The following ABCB10 variants were observed in gnomAD, a reference collection of about 807,000 sequenced individuals.
ABCB10 encodes ATP binding cassette subfamily B member 10.
Under a neutral mutation model 65.4 loss-of-function variants are expected in ABCB10, and 54 were observed. The observed-to-expected ratio is 0.83, with a 90% confidence interval of 0.66 to 1.04. ABCB10 has a LOEUF of 1.04. Among genes scored for constraint, ABCB10 ranks in the 50% least tolerant of loss-of-function variants. The probability of loss-of-function intolerance (pLI) is 0.00; values close to 1 mark genes in which losing one functional copy is unlikely to be tolerated. For missense variants in ABCB10, 846 were observed against 976.6 expected (o/e 0.87, Z 1.78); for synonymous variants, 418 against 406.5 (o/e 1.03, Z -0.34).
At chr1:229,523,413 G>A (rs762566402) in intron 10 of ABCB10, among the ~76,000 whole-genome samples, 1 of 152,170 alleles carries the variant, frequency 6.6e-6, no homozygotes, top group Non-Finnish European at 1.5e-5. Flanking sequence ...ATCAACAGTA[G>A]TTGCTGGACA....
At chr1:229,534,124 G>A (rs982272600) in intron 6 of ABCB10, among the ~76,000 whole-genome samples, 4 of 152,192 alleles carry the variant, frequency 2.6e-5, no homozygotes, top group African/African-American at 9.7e-5. Context: ...GTCCTGAACA[G>A]ACAACTCACC....
chr1:229,539,538 C>T lies in ABCB10; in HGVS notation c.1257G>A (p.Leu419=), dbSNP rs939975411. 5.0e-6 allele frequency: 8 copies of T among 1,613,990 alleles called. No homozygotes were observed. The African/African-American group carries it at 5.3e-5, about 11-fold the overall frequency. Residue 419 remains leucine (L), a synonymous_variant, in exon 6 of 13, where the codon CTG becomes CTA. Coordinates refer to ENST00000344517, the MANE Select transcript of ABCB10 (RefSeq NM_012089.3). Reference sequence around the variant, plus strand: ...CGGTCATGTGGGCACTGCCCATCAGCAGCCCTCCTTTGTACAGGACAGAAA... The same window carrying T: ...CGGTCATGTGGGCACTGCCCATCAGTAGCCCTCCTTTGTACAGGACAGAAA... ...IVLSVLYKGG[L]LMGSAHMTVG...
chr1:229,533,053 T>G (rs1220753522), intron 6 of ABCB10, among the ~76,000 whole-genome samples: 2 of 152,162 alleles, frequency 1.3e-5, no homozygotes, highest in Non-Finnish European at 2.9e-5. Context: ...GCAATCCTCC[T>G]GCCTTGGCCT....
Position 229,530,337 on chromosome 1 carries a change from C to A in ABCB10, c.1507G>T (p.Ala503Ser). Residue 503 changes from alanine to serine, a missense_variant, in exon 8 of 13, where the codon GCT becomes TCT. This residue lies in a region of ABCB10 where 632 missense variants were observed against 803.2 expected (regional missense o/e 0.79). Coordinates refer to ENST00000344517, the MANE Select transcript of ABCB10 (RefSeq NM_012089.3). ...TGAAATATGGGCACCTCTGGGCGAG[C>A]TGGATAGGCAAAATGCACGTTCTTA... ...EFKNVHFAYPARPEVPIFQDF... is the reference protein window; with the variant it reads ...EFKNVHFAYPSRPEVPIFQDF... The A allele has an allele frequency of 6.2e-7, 1 of 1,614,196 alleles. No individual in the cohort carries two copies. Among genetic ancestry groups the A allele is most frequent in the Non-Finnish European group, 8.5e-7 (1 of 1,180,040 alleles).
At chr1:229,554,806 G>A (rs1259172314) in intron 1 of ABCB10, among the ~76,000 whole-genome samples, 28 of 152,100 alleles carry the variant, frequency 1.8e-4, no homozygotes, top group South Asian at 8.3e-4. Flanking sequence ...CTGTCCCTGC[G>A]GGATCTCCAT....
At chr1:229,549,489 T>A (rs1217951671) in intron 1 of ABCB10, 55 bp from the exon 2 acceptor site, 6 of 1,535,636 alleles carry the variant, frequency 3.9e-6, no homozygotes, top group Non-Finnish European at 5.3e-6. Context: ...GGGGCTGCGG[T>A]GCTGAGTCCA....
At chr1:229,553,102 G>A (rs1284479106) in intron 1 of ABCB10, among the ~76,000 whole-genome samples, 1 of 152,104 alleles carries the variant, frequency 6.6e-6, no homozygotes, top group African/African-American at 2.4e-5. Flanking sequence ...TTTACACTGG[G>A]GAATGATCCA....
intron 6 of ABCB10, among the ~76,000 whole-genome samples, chr1:229,536,266 C>T (rs567406570): frequency 2.2e-4 from 33 of 151,964 alleles, no homozygotes; most frequent in African/African-American, 7.7e-4. Context: ...TTTGGGAGGC[C>T]GAGGCAGGAG....
In ABCB10 at chr1:229,526,009, A is replaced by G. The variant is rs1343647892; in HGVS notation, c.1833T>C (p.Asn611=). The change falls in exon 10 of 13, where the codon AAT becomes AAC. Residue 611 remains asparagine, a synonymous_variant. Coordinates refer to ENST00000344517, the MANE Select transcript of ABCB10 (RefSeq NM_012089.3). ...GGAAATTCCGGATGAAGGCCACTGCATTGGCCACTTCAGCCACTCTCTGGA... is the reference window on the plus strand; with the variant it reads ...GGAAATTCCGGATGAAGGCCACTGCGTTGGCCACTTCAGCCACTCTCTGGA... ...EEIQRVAEVA[N]AVAFIRNFPQ... 8 of 1,614,140 alleles carry G rather than the reference A, an allele frequency of 5.0e-6. No individual in the cohort carries two copies. In the Admixed American group the frequency reaches 8.3e-5, roughly 17 times the overall value.
rs941722382 is a variant in ABCB10, at chr1:229,517,044, G to C, written c.*1135C>G. Reference sequence around the variant, plus strand: ...CCATGGAGAAAAAGCACTTTTTCTTGAGGCAACAGCAAATTAACAGCACTG... The same window carrying C: ...CCATGGAGAAAAAGCACTTTTTCTTCAGGCAACAGCAAATTAACAGCACTG... On this transcript the variant is annotated 3_prime_UTR_variant, in exon 13 of 13. Transcript: ENST00000344517. The C allele has an allele frequency of 6.6e-6, 1 of 152,082 alleles. No individual in the cohort carries two copies. Among genetic ancestry groups the C allele is most frequent in the African/African-American group, 2.4e-5 (1 of 41,404 alleles). The allele number at this position is 152,082 out of a possible 1,614,324, so 9.4% of individuals were successfully genotyped here.
chr1:229,530,129 T>C, intron 8 of ABCB10, 70 bp downstream of exon 8: 1 of 1,490,168 alleles, frequency 6.7e-7, no homozygotes, highest in South Asian at 1.1e-5. Flanking sequence ...TTTGAGCATC[T>C]CCTAGGGCGC....
intron 8 of ABCB10, among the ~76,000 whole-genome samples, 154 bp from the exon 9 acceptor site, chr1:229,527,462 T>C (rs1008660979): frequency 1.3e-5 from 2 of 152,222 alleles, no homozygotes; most frequent in Admixed American, 6.5e-5. Context: ...ACATATTTCA[T>C]GAAATTTCAG....
chr1:229,554,991 C>T (rs1663211318), intron 1 of ABCB10, among the ~76,000 whole-genome samples: 1 of 152,228 alleles, frequency 6.6e-6, no homozygotes, highest in African/African-American at 2.4e-5. Flanking sequence ...CCTCAAACCA[C>T]ACACCAGCCC....
At chr1:229,535,038 T>TAAAAAAAAAAAAAAA (rs71173739) in intron 6 of ABCB10, 2 of 47,498 alleles carry the variant, frequency 4.2e-5, no homozygotes, top group African/African-American at 7.6e-5. Context: ...AGACTCCCTT[T>TAAAAAAAAAAAAAAA]AAAAAAAAAA....
At chr1:229,555,552 A>T (rs1017368478) in intron 1 of ABCB10, among the ~76,000 whole-genome samples, 25 of 152,382 alleles carry the variant, frequency 1.6e-4, no homozygotes, top group African/African-American at 5.8e-4. Context: ...ATGCAATCAA[A>T]GTTTTCTGTT....
In ABCB10 at chr1:229,558,378, A is replaced by G; in HGVS notation, c.275T>C (p.Leu92Pro). The change falls in exon 1 of 13, where the codon CTG (leucine) becomes CCG (proline). Residue 92 changes from leucine (L) to proline (P), a missense_variant. Leu to Pro is a moderately conservative substitution (Grantham distance 98). Coordinates refer to ENST00000344517, the MANE Select transcript of ABCB10 (RefSeq NM_012089.3). ...GVLGLARLLG[L>P]WARGPGSCRC... ...GCAGCTGCCGGGGCCGCGAGCCCAC[A>G]GCCCCAGGAGCCGCGCGAGGCCCAG... The G allele has an allele frequency of 8.1e-7, 1 of 1,235,802 alleles. No homozygotes were observed. Among genetic ancestry groups the G allele is most frequent in the South Asian group, 2.2e-5 (1 of 45,746 alleles). 76.6% of individuals were successfully genotyped at this position (1,235,802 alleles called of 1,614,324 possible).
intron 1 of ABCB10, among the ~76,000 whole-genome samples, chr1:229,549,657 C>G (rs949055659): frequency 2.0e-5 from 3 of 152,174 alleles, no homozygotes; most frequent in African/African-American, 7.2e-5. Flanking sequence ...GTGATCATAT[C>G]TGAATCAGAG....
At chr1:229,546,416 AT>A (rs1662968230) in intron 3 of ABCB10, among the ~76,000 whole-genome samples, 1 of 152,136 alleles carries the variant, frequency 6.6e-6, no homozygotes, top group South Asian at 2.1e-4. Context: ...TTATACTTTG[AT>A]TTTTGACTGT....
intron 8 of ABCB10, among the ~76,000 whole-genome samples, chr1:229,527,697 C>T (rs114280467): frequency 0.013 from 2,043 of 152,258 alleles, 42 homozygotes; most frequent in African/African-American, 0.046. Flanking sequence ...CTTGCTGGCA[C>T]GAATACTGGC....
Sources: gnomAD v4.1 joint callset for allele counts (sites outside exome capture counted in the v4.1 genomes callset) on GRCh38, gnomAD v4.1.1 for gene constraint, gnomAD v4.1.1 regional missense constraint, MANE v1.5 for transcripts, NCBI Gene and HGNC (gene_info 2026-07-23, HGNC 2026-07-21) for gene names.